CDH12: variants seen among roughly 807,000 people sequenced by gnomAD.
CDH12 encodes cadherin-12.
In CDH12, 41 loss-of-function variants were observed where a neutral mutation model predicts 74.1. The ratio of observed to expected loss-of-function variants is 0.55; its 90% CI spans 0.43 to 0.72. CDH12 has a LOEUF of 0.72. Among genes scored for constraint, CDH12 ranks in the 30% least tolerant of loss-of-function variants. The probability of loss-of-function intolerance (pLI) is 0.00; values close to 1 mark genes in which losing one functional copy is unlikely to be tolerated. For missense variants in CDH12, 945 were observed against 977.2 expected (o/e 0.97, Z 0.44); for synonymous variants, 399 against 355.0 (o/e 1.12, Z -1.39).
chr5:22,435,863 A>G (rs1580647384), intron 2 of CDH12, among the ~76,000 whole-genome samples: 1 of 151,940 alleles, frequency 6.6e-6, no homozygotes, highest in East Asian at 2.0e-4. Flanking sequence ...GACTTAGCCC[A>G]AGAAGACAGT....
At chr5:21,934,791 TCTC>T (rs1326242600) in intron 6 of CDH12, among the ~76,000 whole-genome samples, 1 of 151,978 alleles carries the variant, frequency 6.6e-6, no homozygotes, top group East Asian at 1.9e-4. Context: ...TTCTTCCTTT[TCTC>T]CTTTTTTTTT....
chr5:22,091,756 T>G (rs899747751), intron 4 of CDH12, among the ~76,000 whole-genome samples: 1 of 151,966 alleles, frequency 6.6e-6, no homozygotes, highest in South Asian at 2.1e-4. Context: ...AACAGTCTTA[T>G]ACAAAAAAGT....
At chr5:22,820,339 T>C (rs1215030598) in intron 1 of CDH12, among the ~76,000 whole-genome samples, 1 of 152,058 alleles carries the variant, frequency 6.6e-6, no homozygotes, top group East Asian at 1.9e-4. Flanking sequence ...TCATGTGTTG[T>C]GGGAGGGAAC....
intron 4 of CDH12, among the ~76,000 whole-genome samples, chr5:22,127,617 C>T (rs1180635711): frequency 6.6e-6 from 1 of 152,054 alleles, no homozygotes; most frequent in African/African-American, 2.4e-5. Flanking sequence ...TTTTCTTCCC[C>T]TCAGTAGTTT....
At chr5:22,235,578 CAAA>C (rs59858757) in intron 3 of CDH12, among the ~76,000 whole-genome samples, 2 of 147,410 alleles carry the variant, frequency 1.4e-5, no homozygotes. Flanking sequence ...GAGACTGTTT[CAAA>C]AAAAAAAAAA....
intron 2 of CDH12, among the ~76,000 whole-genome samples, chr5:22,454,868 C>T (rs111804054): frequency 0.014 from 2,067 of 152,214 alleles, 57 homozygotes; most frequent in African/African-American, 0.047. Context: ...ACTCCACCTC[C>T]AAATACCATT....
chr5:22,624,564 C>T (rs539301403), intron 1 of CDH12, among the ~76,000 whole-genome samples: 3 of 152,280 alleles, frequency 2.0e-5, no homozygotes, highest in South Asian at 4.1e-4. Context: ...AAAAAATGCT[C>T]ATCATCACTG....
chr5:22,244,998 CA>C (rs1752897981), intron 3 of CDH12, among the ~76,000 whole-genome samples: 1 of 152,086 alleles, frequency 6.6e-6, no homozygotes, highest in Non-Finnish European at 1.5e-5. Context: ...GACCTTGAAG[CA>C]GGGCCCGCTG....
At chr5:22,349,951 T>C (rs537909611) in intron 3 of CDH12, among the ~76,000 whole-genome samples, 2 of 152,332 alleles carry the variant, frequency 1.3e-5, no homozygotes, top group East Asian at 3.9e-4. Context: ...AATAAATGAT[T>C]GTACACAGTT....
chr5:22,561,396 A>G (rs1739038511), intron 1 of CDH12, among the ~76,000 whole-genome samples: 1 of 152,144 alleles, frequency 6.6e-6, no homozygotes, highest in Non-Finnish European at 1.5e-5. Context: ...CTAACAATTG[A>G]TTATAATTCA....
At chr5:22,627,644 G>C (rs528916089) in intron 1 of CDH12, among the ~76,000 whole-genome samples, 7 of 152,028 alleles carry the variant, frequency 4.6e-5, no homozygotes, top group Non-Finnish European at 1.0e-4. Context: ...ACTTAAGTAC[G>C]TAGACCATTG....
intron 3 of CDH12, among the ~76,000 whole-genome samples, chr5:22,379,091 G>C (rs1339529445): frequency 6.6e-6 from 1 of 151,982 alleles, no homozygotes; most frequent in Non-Finnish European, 1.5e-5. Context: ...CCCGATACTA[G>C]CAAAAAATAA....
chr5:21,914,726 A>G (rs1281129831), intron 6 of CDH12, among the ~76,000 whole-genome samples: 1 of 152,170 alleles, frequency 6.6e-6, no homozygotes, highest in Non-Finnish European at 1.5e-5. Context: ...ACATTATTGA[A>G]GAAAATCTCC....
intron 4 of CDH12, among the ~76,000 whole-genome samples, chr5:22,160,664 T>A (rs900805496): frequency 6.6e-6 from 1 of 152,202 alleles, no homozygotes; most frequent in African/African-American, 2.4e-5. Context: ...TAGTGTCTGG[T>A]GAGGGCCCCT....
At chr5:22,547,054 A>G (rs1476504112) in intron 1 of CDH12, among the ~76,000 whole-genome samples, 4 of 152,204 alleles carry the variant, frequency 2.6e-5, no homozygotes, top group Non-Finnish European at 4.4e-5. Flanking sequence ...CATATTTATG[A>G]TGCACATCCA....
intron 3 of CDH12, among the ~76,000 whole-genome samples, chr5:22,217,419 GTT>G: frequency 6.6e-6 from 1 of 151,758 alleles, no homozygotes; most frequent in East Asian, 1.9e-4. Flanking sequence ...CATATTTTGT[GTT>G]TTTAAAAGCA....
intron 5 of CDH12, among the ~76,000 whole-genome samples, chr5:22,048,068 G>A (rs186925289): frequency 6.6e-6 from 1 of 152,124 alleles, no homozygotes; most frequent in African/African-American, 2.4e-5. Flanking sequence ...TGTGAGACAG[G>A]CTGGACAAAT....
chr5:22,107,061 G>A (rs1285190582), intron 4 of CDH12, among the ~76,000 whole-genome samples: 7 of 151,594 alleles, frequency 4.6e-5, no homozygotes, highest in Non-Finnish European at 1.0e-4. Context: ...CCTAGACTGT[G>A]GCAATTCAAC....
At chr5:21,852,001 T>TCATG (rs923238725) in intron 7 of CDH12, among the ~76,000 whole-genome samples, 2 of 151,424 alleles carry the variant, frequency 1.3e-5, no homozygotes, top group Non-Finnish European at 3.0e-5. Flanking sequence ...TATTAGTTTT[T>TCATG]CATGCGTTTT....
Sources: gnomAD v4.1 joint callset for allele counts (sites outside exome capture counted in the v4.1 genomes callset) on GRCh38, gnomAD v4.1.1 for gene constraint, MANE v1.5 for transcripts, NCBI Gene and HGNC (gene_info 2026-07-23, HGNC 2026-07-21) for gene names.